The following HDAC8 variants were observed in gnomAD, a reference collection of about 807,000 sequenced individuals.
The protein encoded by HDAC8 is histone deacetylase 8.
A neutral mutation model predicts 32.2 loss-of-function variants in HDAC8; 1 was observed. That is an observed-to-expected ratio of 0.03 (90% CI 0.01 to 0.15). The LOEUF (loss-of-function observed/expected upper bound fraction) is 0.15. Ranked by LOEUF, HDAC8 falls within the 10% of genes least tolerant of loss-of-function variation. The probability of loss-of-function intolerance (pLI) is 1.00; values close to 1 mark genes in which losing one functional copy is unlikely to be tolerated. For missense variants in HDAC8, 117 were observed against 300.0 expected (o/e 0.39, Z 4.51); for synonymous variants, 108 against 113.9 (o/e 0.95, Z 0.33).
chrX:72,477,343 A>G (rs1321667355), intron 7 of HDAC8, among the ~76,000 whole-genome samples: 1 of 112,359 alleles, frequency 8.9e-6, no homozygotes, highest in African/African-American at 3.2e-5. Flanking sequence ...ATAAAGGCCT[A>G]TATCTCTGTT....
At chrX:72,523,885 AGTAT>A (rs1556030187) in intron 4 of HDAC8, among the ~76,000 whole-genome samples, 1 of 111,677 alleles carries the variant, frequency 9.0e-6, no homozygotes. Context: ...TCACAAAGTT[AGTAT>A]GTAAGAGTTG....
intron 9 of HDAC8, among the ~76,000 whole-genome samples, chrX:72,367,406 C>G (rs1351233072): frequency 3.6e-5 from 4 of 112,070 alleles, no homozygotes; most frequent in Non-Finnish European, 7.5e-5. Flanking sequence ...GGCTCTGTCG[C>G]CACGTTGGTC....
At chrX:72,470,149 AATACATACATAC>A (rs201216050) in intron 7 of HDAC8, among the ~76,000 whole-genome samples, 2,596 of 96,993 alleles carry the variant, frequency 0.027, 95 homozygotes, top group African/African-American at 0.091. Flanking sequence ...CACAGTCTCA[AATACATACATAC>A]ATACATACAT....
At chrX:72,512,353 G>A (rs782195417) in intron 4 of HDAC8, among the ~76,000 whole-genome samples, 1 of 111,586 alleles carries the variant, frequency 9.0e-6, no homozygotes, top group South Asian at 3.8e-4. Flanking sequence ...TAGGGGTTGT[G>A]GTCAACACAA....
At chrX:72,392,365 G>A (rs1555964152) in intron 9 of HDAC8, among the ~76,000 whole-genome samples, 1 of 111,783 alleles carries the variant, frequency 8.9e-6, no homozygotes, top group East Asian at 2.8e-4. Context: ...ACTGCTTTCA[G>A]ATGGAGGAAA....
chrX:72,345,546 G>GTTCC (rs1481643784), intron 10 of HDAC8, among the ~76,000 whole-genome samples: 4 of 111,770 alleles, frequency 3.6e-5, no homozygotes, highest in African/African-American at 1.3e-4. Context: ...AATATCAGTA[G>GTTCC]TTCCCACTTC....
chrX:72,423,756 C>T (rs983402322), intron 9 of HDAC8, among the ~76,000 whole-genome samples: 1 of 111,746 alleles, frequency 8.9e-6, no homozygotes, highest in Non-Finnish European at 1.9e-5. Context: ...AATTATTAGT[C>T]CTCTTAGTAC....
intron 9 of HDAC8, among the ~76,000 whole-genome samples, chrX:72,398,754 T>C (rs1326508183): frequency 9.0e-6 from 1 of 110,707 alleles, no homozygotes; most frequent in East Asian, 2.8e-4. Context: ...TTTTTTTTTC[T>C]TTTTTTTCTT....
chrX:72,499,377 T>C lies in HDAC8; in HGVS notation c.438-4109A>G, dbSNP rs978355698. On this transcript the variant is annotated intron_variant, in intron 4 of 10. Coordinates refer to ENST00000373573, the MANE Select transcript of HDAC8 (RefSeq NM_018486.3). The stretch of plus-strand genomic sequence containing the variant: ...ACTTACTCTAAAATCAACCACATAA[T>C]TGGACATAAAGCAATCCCTAGCAAG... Among the ~76,000 whole-genome samples, 5 of 111,374 alleles carry C rather than the reference T, an allele frequency of 4.5e-5. No homozygotes were observed. In the Admixed American group the frequency reaches 4.8e-4, roughly 11 times the overall value.
rs1023103902 is a variant in HDAC8 at position 72,380,962 on chromosome X, A to G, written c.1006-29124T>C. On this transcript the variant is annotated intron_variant, in intron 9 of 10. Transcript: ENST00000373573. ...TTTACAGCACATCTCAATTTGGACTAGCCACATTTCAAATGCTTACTAATC... is the reference window on the plus strand; with the variant it reads ...TTTACAGCACATCTCAATTTGGACTGGCCACATTTCAAATGCTTACTAATC... Among the ~76,000 whole-genome samples the G allele has an allele frequency of 8.9e-5, 10 of 112,021 alleles. No individual in the cohort carries two copies. In the East Asian group the frequency reaches 2.8e-3, roughly 31 times the overall value.
intron 9 of HDAC8, among the ~76,000 whole-genome samples, chrX:72,389,388 A>G (rs1349332884): frequency 8.9e-6 from 1 of 111,959 alleles, no homozygotes; most frequent in East Asian, 2.8e-4. Flanking sequence ...ATGATCCGGT[A>G]TTTTCAAAGG....
chrX:72,519,048 G>C lies in HDAC8; in HGVS notation c.438-23780C>G, dbSNP rs782691434. Among the ~76,000 whole-genome samples the C allele has an allele frequency of 3.6e-5, 4 of 112,470 alleles. No individual in the cohort carries two copies. The East Asian group carries it at 1.1e-3, about 31-fold the overall frequency. On this transcript the variant is annotated intron_variant, in intron 4 of 10. Transcript: ENST00000373573. ...AGCTGCTATAAACATTTGTGTATAC[G>C]TTTTCATGTGGACATACATTTTCAA...
At chrX:72,449,077 C>G (rs963957017) in intron 9 of HDAC8, among the ~76,000 whole-genome samples, 3 of 111,824 alleles carry the variant, frequency 2.7e-5, no homozygotes, top group Middle Eastern at 8.4e-3. Context: ...GGGTATATAC[C>G]CAAAGGATTA....
At chrX:72,391,177 C>G (rs1332278997) in intron 9 of HDAC8, among the ~76,000 whole-genome samples, 1 of 112,092 alleles carries the variant, frequency 8.9e-6, no homozygotes, top group Non-Finnish European at 1.9e-5. Flanking sequence ...TGGCACTTAT[C>G]TGGGTTTCAG....
At chrX:72,562,211 C>G (rs1569407951) in intron 4 of HDAC8, among the ~76,000 whole-genome samples, 1 of 111,779 alleles carries the variant, frequency 8.9e-6, no homozygotes, top group African/African-American at 3.2e-5. Context: ...AGTCATTATA[C>G]GAAAAAGATA....
chrX:72,485,793 G>C (rs1338939728), intron 7 of HDAC8, among the ~76,000 whole-genome samples: 1 of 111,793 alleles, frequency 8.9e-6, no homozygotes, highest in Non-Finnish European at 1.9e-5. Flanking sequence ...CAAGTAAGGA[G>C]TGAGCCAGAG....
At chrX:72,470,613 A>G (rs948946983) in intron 7 of HDAC8, among the ~76,000 whole-genome samples, 13 of 111,172 alleles carry the variant, frequency 1.2e-4, no homozygotes, top group African/African-American at 4.3e-4. Flanking sequence ...ACTTATCCAC[A>G]TACTGGCCGC....
chrX:72,459,195 T>G (rs2047801653), intron 9 of HDAC8, among the ~76,000 whole-genome samples: 1 of 111,842 alleles, frequency 8.9e-6, no homozygotes, highest in Non-Finnish European at 1.9e-5. Context: ...TGGAGGGCAC[T>G]GGGATTATCT....
chrX:72,441,430 C>T (rs1168325313), intron 9 of HDAC8, among the ~76,000 whole-genome samples: 2 of 112,323 alleles, frequency 1.8e-5, no homozygotes, highest in Non-Finnish European at 3.8e-5. Context: ...CAAACAGGGT[C>T]TGGAGTGGAC....
Sources: allele counts gnomAD v4.1 joint callset (sites outside exome capture counted in the v4.1 genomes callset), GRCh38; gene constraint gnomAD v4.1.1; transcripts MANE v1.5; gene names NCBI Gene and HGNC (gene_info 2026-07-23, HGNC 2026-07-21).